The following MAGI3 variants were observed in gnomAD, a reference collection of about 807,000 sequenced individuals.
MAGI3 encodes membrane-associated guanylate kinase, WW and PDZ domain-containing protein 3.
Under a neutral mutation model 121.8 loss-of-function variants are expected in MAGI3, and 43 were observed. The ratio of observed to expected loss-of-function variants is 0.35; its 90% CI spans 0.28 to 0.46. The LOEUF (loss-of-function observed/expected upper bound fraction) is 0.46, where lower values mean the gene tolerates loss of function less well. Ranked by LOEUF, MAGI3 falls within the 20% of genes least tolerant of loss-of-function variation. MAGI3 has a pLI of 1.00. For synonymous variants in MAGI3, 553 were observed against 639.3 expected (o/e 0.86, Z 2.04); for missense variants, 1,547 against 1,797.3 (o/e 0.86, Z 2.52).
intron 6 of MAGI3, among the ~76,000 whole-genome samples, chr1:113,601,406 G>C (rs1055618498): frequency 2.6e-4 from 40 of 151,216 alleles, no homozygotes; most frequent in Admixed American, 1.3e-3. Context: ...CAAAAAGTGG[G>C]CAAAGGACAT....
intron 1 of MAGI3, among the ~76,000 whole-genome samples, chr1:113,516,020 G>A (rs1657881571): frequency 1.3e-5 from 2 of 151,920 alleles, no homozygotes; most frequent in Non-Finnish European, 2.9e-5. Flanking sequence ...CACTAGATGC[G>A]TATACCACTC....
intron 1 of MAGI3, among the ~76,000 whole-genome samples, chr1:113,435,257 C>T (rs908211794): frequency 1.6e-4 from 24 of 152,072 alleles, no homozygotes; most frequent in Non-Finnish European, 7.4e-5. Flanking sequence ...TAGTAATAGC[C>T]TCTTTGGTTT....
chr1:113,515,922 CTGT>C (rs1203945875), intron 1 of MAGI3, among the ~76,000 whole-genome samples: 1 of 152,036 alleles, frequency 6.6e-6, no homozygotes, highest in African/African-American at 2.4e-5. Context: ...GTGCCTGGCA[CTGT>C]TAACATTTTG....
intron 9 of MAGI3, among the ~76,000 whole-genome samples, chr1:113,640,159 G>A (rs1381271758): frequency 1.3e-5 from 2 of 151,766 alleles, no homozygotes; most frequent in Non-Finnish European, 2.9e-5. Context: ...TTAAAGAAAT[G>A]CAAATCAAAA....
chr1:113,530,551 C>T (rs773984338), intron 1 of MAGI3, among the ~76,000 whole-genome samples: 22 of 151,618 alleles, frequency 1.5e-4, no homozygotes, highest in South Asian at 6.2e-4. Context: ...CCCCATGACA[C>T]GCACTTATAT....
chr1:113,683,982 G>A lies in MAGI3; in HGVS notation c.4414G>A (p.Gly1472Ser). 1.3e-6 allele frequency: 2 copies of A among 1,592,706 alleles called. No individual in the cohort carries two copies. The highest frequency in any genetic ancestry group is 1.7e-6 in the Non-Finnish European group (2 of 1,172,412). ...GGTTCCAAGTGGAAATAAAGTCACA[G>A]GCACTATTGGTATGGCTGAGAAACG... ...WKVPSGNKVT[G>S]TIGMAEKRQ Residue 1472 changes from glycine (G) to serine (S), a missense_variant, in exon 21 of 21, where the codon GGC becomes AGC. By Grantham distance (56) the Gly-to-Ser change is moderately conservative. Coordinates refer to ENST00000307546, the MANE Select transcript of MAGI3 (RefSeq NM_001142782.2).
At chr1:113,508,832 TA>T (rs983842720) in intron 1 of MAGI3, among the ~76,000 whole-genome samples, 7 of 151,594 alleles carry the variant, frequency 4.6e-5, no homozygotes, top group South Asian at 2.1e-4. Context: ...TTGATTTTTT[TA>T]AAAAAAAAAC....
intron 2 of MAGI3, among the ~76,000 whole-genome samples, chr1:113,558,193 A>C (rs779472610): frequency 6.6e-6 from 1 of 152,244 alleles, no homozygotes; most frequent in African/African-American, 2.4e-5. Flanking sequence ...GCAAGGTCTC[A>C]GAACCAGGCT....
intron 6 of MAGI3, among the ~76,000 whole-genome samples, chr1:113,612,216 A>G (rs1650198401): frequency 1.3e-5 from 2 of 152,318 alleles, no homozygotes; most frequent in South Asian, 4.1e-4. Flanking sequence ...TGCTGGAATT[A>G]CAGGCGTGAG....
At chr1:113,533,785 CTTTTTTT>C (rs77624151) in intron 1 of MAGI3, among the ~76,000 whole-genome samples, 2 of 135,296 alleles carry the variant, frequency 1.5e-5, no homozygotes, top group South Asian at 2.4e-4. Context: ...TTTTCTTTTT[CTTTTTTT>C]TTTTTTTTGG....
chr1:113,639,063 C>T (rs1414586670), intron 9 of MAGI3, among the ~76,000 whole-genome samples: 4 of 152,182 alleles, frequency 2.6e-5, no homozygotes, highest in East Asian at 1.9e-4. Context: ...TCTCCTGGTG[C>T]GCCGTTTTTT....
chr1:113,587,648 G>A (rs1648457713), intron 4 of MAGI3, among the ~76,000 whole-genome samples: 1 of 152,088 alleles, frequency 6.6e-6, no homozygotes, highest in Non-Finnish European at 1.5e-5. Flanking sequence ...AGTTAAAATG[G>A]TCATGTACAA....
rs751414128 is a variant in MAGI3, at chr1:113,642,182, G to A, written c.1632G>A (p.Ser544=). ...GAMVLEQNGK[S]GHTLTGDGLN... ...TGGTTCTGGAGCAGAATGGAAAATCGGGACACACTTTGACTGGTGATGGTC... is the reference window on the plus strand; with the variant it reads ...TGGTTCTGGAGCAGAATGGAAAATCAGGACACACTTTGACTGGTGATGGTC... Residue 544 remains serine (S), a synonymous_variant, in exon 10 of 21, where the codon TCG becomes TCA. Transcript: ENST00000307546. The A allele has an allele frequency of 4.3e-6, 7 of 1,613,976 alleles. No homozygotes were observed. Among genetic ancestry groups the A allele is most frequent in the African/African-American group, 1.3e-5 (1 of 74,902 alleles).
intron 9 of MAGI3, among the ~76,000 whole-genome samples, chr1:113,637,733 T>C (rs1165096174): frequency 6.6e-6 from 1 of 152,148 alleles, no homozygotes; most frequent in African/African-American, 2.4e-5. Flanking sequence ...TCGAGGAGTA[T>C]CTTTGTGGCA....
chr1:113,495,652 C>T (rs1306466203), intron 1 of MAGI3, among the ~76,000 whole-genome samples: 3 of 152,110 alleles, frequency 2.0e-5, no homozygotes, highest in Non-Finnish European at 4.4e-5. Context: ...AGAACTAAAC[C>T]TGCTAAAGAT....
chr1:113,522,867 T>G (rs779823315), intron 1 of MAGI3, among the ~76,000 whole-genome samples: 57 of 152,200 alleles, frequency 3.7e-4, no homozygotes, highest in Non-Finnish European at 4.4e-4. Context: ...GTAAGGACAT[T>G]TTCCTATACA....
chr1:113,436,304 CTCTA>C (rs1653563904), intron 1 of MAGI3, among the ~76,000 whole-genome samples: 1 of 151,976 alleles, frequency 6.6e-6, no homozygotes, highest in Admixed American at 6.6e-5. Flanking sequence ...TTCTCTCTCT[CTCTA>C]TATATATATT....
intron 1 of MAGI3, among the ~76,000 whole-genome samples, chr1:113,521,531 G>A (rs1171179204): frequency 6.6e-6 from 1 of 151,400 alleles, no homozygotes; most frequent in Non-Finnish European, 1.5e-5. Context: ...TCAGCCTCCT[G>A]AGTAACTGGG....
chr1:113,551,535 A>C (rs533425203), intron 2 of MAGI3, among the ~76,000 whole-genome samples: 1 of 152,106 alleles, frequency 6.6e-6, no homozygotes, highest in African/African-American at 2.4e-5. Flanking sequence ...TCCTCCTACA[A>C]ATCTACCTTG....
Sources: gnomAD v4.1 joint callset for allele counts (sites outside exome capture counted in the v4.1 genomes callset) on GRCh38, gnomAD v4.1.1 for gene constraint, MANE v1.5 for transcripts, NCBI Gene and HGNC (gene_info 2026-07-23, HGNC 2026-07-21) for gene names.